ECRG4: variants seen among roughly 807,000 people sequenced by gnomAD.
The protein encoded by ECRG4 is augurin.
A neutral mutation model predicts 15.8 loss-of-function variants in ECRG4; 18 were observed. The ratio of observed to expected loss-of-function variants is 1.14; its 90% CI spans 0.79 to 1.69. The LOEUF is 1.69. Ranked by LOEUF, ECRG4 falls within the 40% of genes most tolerant of loss-of-function variation. ECRG4 has a pLI of 0.00. For synonymous variants in ECRG4, 82 were observed against 73.9 expected, an observed-to-expected ratio of 1.11 and a Z score of -0.56; for missense variants, 200 against 190.9, an observed-to-expected ratio of 1.05 and a Z score of -0.28.
intron 1 of ECRG4, among the ~76,000 whole-genome samples, chr2:106,067,724 C>T (rs1676255783): frequency 6.6e-6 from 1 of 152,126 alleles, no homozygotes; most frequent in East Asian, 1.9e-4. Flanking sequence ...CTCAGGTGAT[C>T]CACCAATCTT....
At chr2:106,066,234 T>G (rs1676212102) in intron 1 of ECRG4, among the ~76,000 whole-genome samples, 1 of 152,208 alleles carries the variant, frequency 6.6e-6, no homozygotes, top group South Asian at 2.1e-4. Flanking sequence ...GCCATTCCCT[T>G]CCAGGCAGTC....
Position 106,074,037 on chromosome 2 carries a change from C to T in ECRG4, c.279C>T (p.Asp93=), listed in dbSNP as rs41280609. 0.054 allele frequency: 86,757 copies of T among 1,612,576 alleles called. 2,589 individuals are homozygous for T. The highest frequency in any genetic ancestry group is 0.061 in the Non-Finnish European group (72,021 of 1,179,790). Residue 93 remains aspartate (D), a synonymous_variant, in exon 3 of 4, where the codon GAC becomes GAT. Transcript: ENST00000238044. ...WYQQFLYMGF[D]EAKFEDDITY... The stretch of plus-strand genomic sequence containing the variant: ...AGCAGTTTCTCTACATGGGCTTTGA[C>T]GAAGCGGTAGGTGTTGCCTCCGGCT...
At position 106,065,785 on chromosome 2, in the gene ECRG4, G is replaced by T. The variant is rs776235817; in HGVS notation, c.21G>T (p.Arg7=). 4 of 1,483,312 alleles carry T rather than the reference G, an allele frequency of 2.7e-6. No homozygotes were observed. In the East Asian group the frequency reaches 1.2e-4, roughly 44 times the overall value. 91.9% of individuals were successfully genotyped at this position (1,483,312 alleles called of 1,614,324 possible). ...CCGCCATGGCTGCCTCCCCCGCGCG[G>T]CCTGCTGTCCTGGCCCTGACCGGGC... MAASPA[R]PAVLALTGLA... Residue 7 remains arginine, a synonymous_variant, in exon 1 of 4, where the codon CGG becomes CGT. Coordinates refer to ENST00000238044, the MANE Select transcript of ECRG4 (RefSeq NM_032411.3).
At chr2:106,073,812 A>T (rs999420029) in intron 2 of ECRG4, 74 bp from the exon 3 acceptor site, 1 of 1,566,164 alleles carries the variant, frequency 6.4e-7, no homozygotes, top group Non-Finnish European at 8.8e-7. Flanking sequence ...GATGGGATGT[A>T]TAACAGGGAT....
At position 106,077,804 on chromosome 2, in the gene ECRG4, C is replaced by A. The variant is rs375563861; in HGVS notation, c.325C>A (p.Arg109=). ...DDITYWLNRD[R]NGHEYYGDYY... ...CATCACCTATTGGCTTAACAGAGATCGAAATGGACATGAATACTATGGCGA... is the reference window on the plus strand; with the variant it reads ...CATCACCTATTGGCTTAACAGAGATAGAAATGGACATGAATACTATGGCGA... Residue 109 remains arginine, a synonymous_variant, in exon 4 of 4, where the codon CGA becomes AGA. Transcript: ENST00000238044. 5.6e-6 allele frequency: 9 copies of A among 1,613,998 alleles called. No homozygotes were observed. The South Asian group carries it at 6.6e-5, about 12-fold the overall frequency.
At chr2:106,072,513 A>AT (rs1676392105) in intron 2 of ECRG4, 1 of 152,190 alleles carries the variant, frequency 6.6e-6, no homozygotes, top group Non-Finnish European at 1.5e-5. Flanking sequence ...AAAATTAAGA[A>AT]TCCCTTAGAA....
At chr2:106,064,121 A>T (rs1376548293), upstream of ECRG4, among the ~76,000 whole-genome samples, 1 of 152,224 alleles carries the variant, frequency 6.6e-6, no homozygotes, top group East Asian at 1.9e-4. Context: ...CCTATCCCCT[A>T]TTCTACAGTT....
intron 2 of ECRG4, among the ~76,000 whole-genome samples, chr2:106,073,394 C>G (rs1343088997): frequency 6.6e-6 from 1 of 152,174 alleles, no homozygotes; most frequent in Non-Finnish European, 1.5e-5. Context: ...TGGGCAGGGT[C>G]TGGTCCCTGC....
At chr2:106,074,155 G>C in intron 3 of ECRG4, 112 bp downstream of exon 3, 1 of 1,263,886 alleles carries the variant, frequency 7.9e-7, no homozygotes, top group Non-Finnish European at 1.1e-6. Context: ...TTCATTCCTA[G>C]AGTAAGAGCC....
intron 1 of ECRG4, among the ~76,000 whole-genome samples, chr2:106,068,379 C>T (rs2104791038): frequency 6.6e-6 from 1 of 152,216 alleles, no homozygotes. Flanking sequence ...TTCTATTGTT[C>T]CTTATCCTTT....
At chr2:106,071,128 T>C (rs2104794226) in intron 1 of ECRG4, 1 of 418,188 alleles carries the variant, frequency 2.4e-6, no homozygotes, top group Non-Finnish European at 4.8e-6. Flanking sequence ...AAAACTGGGC[T>C]GCACTTTTAG....
chr2:106,067,329 A>G (rs1301809329), intron 1 of ECRG4, among the ~76,000 whole-genome samples: 2 of 152,112 alleles, frequency 1.3e-5, no homozygotes, highest in African/African-American at 4.8e-5. Flanking sequence ...AAGAAGAAGA[A>G]AAAAGCACAT....
chr2:106,078,080 T>C lies in ECRG4; in HGVS notation c.*154T>C. On this transcript the variant is annotated 3_prime_UTR_variant, in exon 4 of 4. Transcript: ENST00000238044. ...AAAAAAGAAGAGTTAAAACAACACA[T>C]GTAAATGCCTTTTGATATTTCATGG... The C allele has an allele frequency of 1.9e-6, 1 of 536,958 alleles. No individual in the cohort carries two copies. The allele number at this position is 536,958 out of a possible 1,614,324, so 33.3% of individuals were successfully genotyped here.
chr2:106,077,133 G>A (rs916945097), intron 3 of ECRG4, among the ~76,000 whole-genome samples: 8 of 146,010 alleles, frequency 5.5e-5, no homozygotes, highest in African/African-American at 2.2e-4. Flanking sequence ...AGGCACAGAC[G>A]ACTGTTTTTG....
At chr2:106,065,943 C>A in intron 1 of ECRG4, 100 bp downstream of exon 1, 2 of 1,086,750 alleles carry the variant, frequency 1.8e-6, no homozygotes, top group Non-Finnish European at 2.5e-6. Context: ...GATGGGGTGG[C>A]GGCGTAGGGA....
chr2:106,071,839 T>C lies in ECRG4; in HGVS notation c.80-5T>C. 1 of 1,613,224 alleles carries C rather than the reference T, an allele frequency of 6.2e-7. No homozygotes were observed. Among genetic ancestry groups the C allele is most frequent in the South Asian group, 1.1e-5 (1 of 91,014 alleles). ...TGATATGGATTTCAATTTTCATTCC[T>C]TTAGGTGGCATAAGTGGAAATAAAC... On this transcript the variant is annotated splice_polypyrimidine_tract_variant and splice_region_variant and intron_variant, in intron 1 of 3. Coordinates refer to ENST00000238044, the MANE Select transcript of ECRG4 (RefSeq NM_032411.3).
intron 3 of ECRG4, 65 bp from the exon 4 acceptor site, chr2:106,077,700 A>T: frequency 7.0e-7 from 1 of 1,425,396 alleles, no homozygotes; most frequent in East Asian, 2.3e-5. Context: ...CATAGGTAAG[A>T]TTAGGTCTTA....
chr2:106,074,120 G>C, intron 3 of ECRG4, 77 bp downstream of exon 3: 1 of 1,551,022 alleles, frequency 6.4e-7, no homozygotes, highest in African/African-American at 1.4e-5. Context: ...CGGGGAAATA[G>C]GAAGCAGAAA....
chr2:106,065,938 G>T, intron 1 of ECRG4, 95 bp downstream of exon 1: 1 of 1,158,706 alleles, frequency 8.6e-7, no homozygotes, highest in South Asian at 1.7e-5. Context: ...TCGGTGATGG[G>T]GTGGCGGCGT....
Sources: gnomAD v4.1 joint callset for allele counts (sites outside exome capture counted in the v4.1 genomes callset) on GRCh38, gnomAD v4.1.1 for gene constraint, MANE v1.5 for transcripts, NCBI Gene and HGNC (gene_info 2026-07-23, HGNC 2026-07-21) for gene names.